The following GSDMC variants were observed in gnomAD, a reference collection of about 807,000 sequenced individuals.
GSDMC encodes gasdermin-C.
A neutral mutation model predicts 58.0 loss-of-function variants in GSDMC; 59 were observed. The ratio of observed to expected loss-of-function variants is 1.02; its 90% confidence interval spans 0.82 to 1.26. The LOEUF (loss-of-function observed/expected upper bound fraction) is 1.26. GSDMC is among the 50% of genes most tolerant of loss of function. The pLI is 0.00. For missense variants in GSDMC, 659 were observed against 598.5 expected, an observed-to-expected ratio of 1.10 and a Z score of -1.06; for synonymous variants, 241 against 220.2, an observed-to-expected ratio of 1.09 and a Z score of -0.83.
At chr8:129,752,883 C>A in intron 6 of GSDMC, 63 bp from the exon 7 acceptor site, 1 of 1,609,384 alleles carries the variant, frequency 6.2e-7, no homozygotes, top group South Asian at 1.1e-5. Flanking sequence ...ACTGCCTTGT[C>A]ATAGCAGAGA....
chr8:129,758,416 G>A (rs2033526739), intron 6 of GSDMC, among the ~76,000 whole-genome samples: 1 of 152,174 alleles, frequency 6.6e-6, no homozygotes, highest in African/African-American at 2.4e-5. Flanking sequence ...TGGAAAGGAA[G>A]AAGTCAAATC....
chr8:129,729,760 G>T, the GSDMC span: 41 of 588,578 alleles, frequency 7.0e-5, no homozygotes, highest in African/African-American at 7.1e-4. Context: ...AAAAAGTGTC[G>T]CAATAAACAT....
chr8:129,762,867 C>T lies in GSDMC; in HGVS notation c.571-136G>A, dbSNP rs1355878256. 5.1e-6 allele frequency: 3 copies of T among 586,814 alleles called. No individual in the cohort carries two copies. The African/African-American group carries it at 5.6e-5, about 11-fold the overall frequency. 36.4% of individuals were successfully genotyped at this position (586,814 alleles called of 1,614,324 possible). Reference sequence around the variant, plus strand: ...CTACTGCTGACTTCTGATTTCCAATCACTGCTCTTTCTTCCTTATTTCATC... The same window carrying T: ...CTACTGCTGACTTCTGATTTCCAATTACTGCTCTTTCTTCCTTATTTCATC... On this transcript the variant is annotated intron_variant, in intron 4 of 13. Transcript: ENST00000276708.
At chr8:129,760,511 T>C (rs185032357) in intron 6 of GSDMC, 34 bp downstream of exon 6, 1 of 1,382,502 alleles carries the variant, frequency 7.2e-7, no homozygotes, top group East Asian at 2.3e-5. Flanking sequence ...CTCATAAAAA[T>C]AAAAAAATAA....
intron 1 of GSDMC, among the ~76,000 whole-genome samples, chr8:129,779,643 T>TA (rs200247939): frequency 3.3e-5 from 5 of 151,214 alleles, no homozygotes; most frequent in African/African-American, 7.3e-5. Context: ...TATATATAAT[T>TA]AAAAAAAAGA....
At position 129,776,220 on chromosome 8, in the gene GSDMC, C is replaced by A. The variant is rs79403769; in HGVS notation, c.286G>T (p.Gly96Cys). 1.4e-3 allele frequency: 2,264 copies of A among 1,613,770 alleles called. 9 individuals carry two copies. The highest frequency in any genetic ancestry group is 2.3e-3 in the South Asian group (213 of 91,072). Residue 96 changes from glycine (G) to cysteine (C), a missense_variant, in exon 3 of 14, where the codon GGT (glycine) becomes TGT (cysteine). By Grantham distance (159) the Gly-to-Cys change is radical. Transcript: ENST00000276708. ...CTCACTTCTATACCAACATTCACAC[C>A]CATGTCAGCCTTATGCTTCTGGATC... ...IMIQKHKADMGVNVGIEVSVS... is the reference protein window; with the variant it reads ...IMIQKHKADMCVNVGIEVSVS...
chr8:129,760,916 T>G (rs1282726532), intron 5 of GSDMC, among the ~76,000 whole-genome samples: 2 of 152,212 alleles, frequency 1.3e-5, no homozygotes, highest in East Asian at 3.9e-4. Context: ...ATTTGGCATC[T>G]TCTTGGATGA....
the GSDMC span, among the ~76,000 whole-genome samples, chr8:129,742,673 T>C: frequency 6.6e-6 from 1 of 152,184 alleles, no homozygotes; most frequent in Non-Finnish European, 1.5e-5. Context: ...CTGGAAACTC[T>C]CTCAAGACAG....
the GSDMC span, among the ~76,000 whole-genome samples, chr8:129,711,892 A>G: frequency 1.4e-4 from 21 of 152,216 alleles, no homozygotes; most frequent in African/African-American, 4.8e-4. Flanking sequence ...ACGAGGCACA[A>G]TTGGGATTTC....
intron 1 of GSDMC, among the ~76,000 whole-genome samples, chr8:129,783,353 CCAA>C (rs1418903616): frequency 6.6e-6 from 1 of 152,054 alleles, no homozygotes; most frequent in East Asian, 1.9e-4. Context: ...ACTGAAGATT[CCAA>C]CAACAAAAAA....
chr8:129,722,211 C>T, the GSDMC span, among the ~76,000 whole-genome samples: 3 of 152,122 alleles, frequency 2.0e-5, no homozygotes, highest in African/African-American at 7.2e-5. Flanking sequence ...ACTAGAAGCC[C>T]TACGGTGCTC....
At chr8:129,737,053 G>C in the GSDMC span, among the ~76,000 whole-genome samples, 1 of 152,136 alleles carries the variant, frequency 6.6e-6, no homozygotes, top group Admixed American at 6.6e-5. Context: ...GCTACAAAGA[G>C]AGTAAAATAC....
intron 3 of GSDMC, among the ~76,000 whole-genome samples, chr8:129,766,337 G>A (rs1256080300): frequency 6.6e-6 from 1 of 152,144 alleles, no homozygotes; most frequent in Non-Finnish European, 1.5e-5. Flanking sequence ...GTAGTTTCCA[G>A]GGATATATGA....
the GSDMC span, among the ~76,000 whole-genome samples, chr8:129,714,218 C>T: frequency 6.6e-6 from 1 of 152,312 alleles, no homozygotes; most frequent in East Asian, 1.9e-4. Context: ...AAGGTTGGAT[C>T]CACTCCTTCA....
At chr8:129,725,123 T>C in the GSDMC span, among the ~76,000 whole-genome samples, 2 of 152,198 alleles carry the variant, frequency 1.3e-5, no homozygotes, top group Admixed American at 1.3e-4. Context: ...GGGCCACCAT[T>C]TTCCACATTC....
At chr8:129,776,075 C>T (rs1472004666) in intron 3 of GSDMC, 27 bp downstream of exon 3, 2 of 1,557,606 alleles carry the variant, frequency 1.3e-6, no homozygotes, top group Non-Finnish European at 1.8e-6. Context: ...ACTGATGATC[C>T]ATCCCCTTCC....
chr8:129,760,439 C>T lies in GSDMC; in HGVS notation c.721+106G>A, dbSNP rs952859921. 9 of 612,076 alleles carry T rather than the reference C, an allele frequency of 1.5e-5. No homozygotes were observed. The African/African-American group carries it at 1.7e-4, about 12-fold the overall frequency. 37.9% of individuals were successfully genotyped at this position (612,076 alleles called of 1,614,324 possible). ...TCCATTTTCCATTATGTGATTATTA[C>T]ACATTGCATGCCTGTATCAAAACAT... On this transcript the variant is annotated intron_variant, in intron 6 of 13. Transcript: ENST00000276708.
In GSDMC at chr8:129,752,946, C is replaced by A. The variant is rs1015705313; in HGVS notation, c.722-126G>T. ...CCAGTGCACGAAGGGAGCATTTGAACAAGACCCACTCAAAGAGGAATTGCC... is the reference window on the plus strand; with the variant it reads ...CCAGTGCACGAAGGGAGCATTTGAAAAAGACCCACTCAAAGAGGAATTGCC... On this transcript the variant is annotated intron_variant, in intron 6 of 13. Coordinates refer to ENST00000276708, the MANE Select transcript of GSDMC (RefSeq NM_031415.3). 2.4e-5 allele frequency: 35 copies of A among 1,465,514 alleles called. No individual in the cohort carries two copies. The African/African-American group carries it at 4.9e-4, about 20-fold the overall frequency. 90.8% of individuals were successfully genotyped at this position (1,465,514 alleles called of 1,614,324 possible). A position where few individuals can be genotyped will look rare whatever the true frequency, so the allele number is the denominator to read the frequency against.
the GSDMC span, among the ~76,000 whole-genome samples, chr8:129,715,432 A>G: frequency 6.6e-6 from 1 of 151,790 alleles, no homozygotes; most frequent in Non-Finnish European, 1.5e-5. Context: ...TAGGAGACAG[A>G]AAAAAAAATA....
Sources: gnomAD v4.1 joint callset for allele counts (sites outside exome capture counted in the v4.1 genomes callset) on GRCh38, gnomAD v4.1.1 for gene constraint, MANE v1.5 for transcripts, NCBI Gene and HGNC (gene_info 2026-07-23, HGNC 2026-07-21) for gene names.